FAM83G: variants seen among roughly 807,000 people sequenced by gnomAD.
The protein encoded by FAM83G is scaffolding CK1 anchoring protein G.
In FAM83G, 38 loss-of-function variants were observed where a neutral mutation model predicts 61.5. The observed-to-expected ratio is 0.62, with a 90% confidence interval of 0.48 to 0.81. The LOEUF is 0.81. Among genes scored for constraint, FAM83G ranks in the 30% least tolerant of loss-of-function variants. The pLI, the probability that FAM83G is intolerant of heterozygous loss-of-function variation, is 0.00. For missense variants in FAM83G, 989 were observed against 1,133.6 expected, an observed-to-expected ratio of 0.87 and a Z score of 1.83; for synonymous variants, 470 against 476.1, an observed-to-expected ratio of 0.99 and a Z score of 0.17.
At chr17:18,986,615 A>C (rs1597866113) in intron 3 of FAM83G, among the ~76,000 whole-genome samples, 1 of 152,346 alleles carries the variant, frequency 6.6e-6, no homozygotes, top group African/African-American at 2.4e-5. Flanking sequence ...GAACTCTGCA[A>C]GCAGCGGAGC....
Position 18,979,543 on chromosome 17 carries a change from A to G in FAM83G, c.815+6T>C. The G allele has an allele frequency of 6.2e-7, 1 of 1,612,724 alleles. No homozygotes were observed. Among genetic ancestry groups the G allele is most frequent in the South Asian group, 1.1e-5 (1 of 91,034 alleles). ...CGCACAACTTCCCTGAAAGCTGGAG[A>G]GTCACCTGTAGGAGCCGCACACAGC... On this transcript the variant is annotated splice_donor_region_variant and intron_variant, in intron 4 of 5. Coordinates refer to ENST00000388995, the MANE Select transcript of FAM83G (RefSeq NM_001039999.3).
chr17:18,981,711 T>C (rs2152013945), intron 3 of FAM83G, among the ~76,000 whole-genome samples: 1 of 152,250 alleles, frequency 6.6e-6, no homozygotes, highest in South Asian at 2.1e-4. Context: ...CCATAGCCTT[T>C]TCATAGGGCC....
intron 3 of FAM83G, among the ~76,000 whole-genome samples, chr17:18,982,968 C>A (rs77283946): frequency 0.084 from 12,845 of 152,288 alleles, 1,150 homozygotes; most frequent in African/African-American, 0.23. Flanking sequence ...ACAGGTGGGG[C>A]CCTCCCAGGG....
intron 3 of FAM83G, among the ~76,000 whole-genome samples, chr17:18,981,073 C>A (rs2043119643): frequency 6.6e-6 from 1 of 152,214 alleles, no homozygotes; most frequent in South Asian, 2.1e-4. Context: ...TCAACCCCTG[C>A]CGAGGCCTCC....
At chr17:18,991,287 G>A (rs2152132312) in intron 2 of FAM83G, among the ~76,000 whole-genome samples, 1 of 152,242 alleles carries the variant, frequency 6.6e-6, no homozygotes, top group East Asian at 1.9e-4. Flanking sequence ...CTTGGTCTGG[G>A]AATGACTGCA....
chr17:19,003,781 AGAGG>A lies in FAM83G; in HGVS notation c.257_260del (p.Pro86LeufsTer58). On this transcript the variant is annotated frameshift_variant, in exon 2 of 6. Coordinates refer to ENST00000388995, the MANE Select transcript of FAM83G (RefSeq NM_001039999.3). LOFTEE classifies it high-confidence loss of function. The surrounding 1 kb of genome is among the most constrained non-coding windows in gnomAD (Gnocchi z 4.5). Reference sequence around the variant, plus strand: ...CGACCCCATTGTCCTCGGGCCCCTGAGAGGGGCCCGTGCCCCGAGGGTCCTCAGA... The same window carrying A: ...CGACCCCATTGTCCTCGGGCCCCTGAGGCCCGTGCCCCGAGGGTCCTCAGA... The A allele has an allele frequency of 6.2e-7, 1 of 1,610,978 alleles. No homozygotes were observed. Among genetic ancestry groups the A allele is most frequent in the Non-Finnish European group, 8.5e-7 (1 of 1,179,172 alleles).
At position 18,978,483 on chromosome 17, in the gene FAM83G, T is replaced by C; in HGVS notation, c.1183A>G (p.Ile395Val). 3.1e-6 allele frequency: 5 copies of C among 1,612,364 alleles called. No homozygotes were observed. The highest frequency in any genetic ancestry group is 2.5e-6 in the Non-Finnish European group (3 of 1,179,498). ...TCCAGGTGAAGCAGTCCTGGGTGGA[T>C]GGGTGGCAGCAGCTCGGGGAGTTCC... The part of the protein sequence containing the change: ...PGELPELLPP[I>V]HPGLLHLERA... Residue 395 changes from isoleucine to valine, a missense_variant, in exon 5 of 6, where the codon ATC becomes GTC. Around this residue, in one of 3 missense-constraint regions of FAM83G, gnomAD observed 574 missense variants for 645.1 expected, o/e 0.89. Transcript: ENST00000388995.
At position 18,996,500 on chromosome 17, in the gene FAM83G, G is replaced by A. The variant is rs1194177795; in HGVS notation, c.522+7020C>T. Among the ~76,000 whole-genome samples, 1 of 152,140 alleles carries A rather than the reference G, an allele frequency of 6.6e-6. No homozygotes were observed. Among genetic ancestry groups the A allele is most frequent in the Non-Finnish European group, 1.5e-5 (1 of 68,018 alleles). ...CCACCTCCTGGCAATCTCCAAACCAGTTTGCCCATATAATGTCTCTGAAAG... is the reference window on the plus strand; with the variant it reads ...CCACCTCCTGGCAATCTCCAAACCAATTTGCCCATATAATGTCTCTGAAAG... On this transcript the variant is annotated intron_variant, in intron 2 of 5. Transcript: ENST00000388995. The surrounding 1 kb of genome is among the most constrained non-coding windows in gnomAD (Gnocchi z 4.4).
rs115528603 is a variant in FAM83G at position 18,999,609 on chromosome 17, G to A, written c.522+3911C>T. ...AAAGTGCCCGCTCAGCACCTGGCGC[G>A]GGGCTGGCATTTAGTAAGCACCTCA... is the stretch of plus-strand genomic sequence containing the variant. On this transcript the variant is annotated intron_variant, in intron 2 of 5. Transcript: ENST00000388995. 2.0e-3 allele frequency among the ~76,000 whole-genome samples: 304 copies of A among 152,334 alleles called. 1 individual carries two copies. The highest frequency in any genetic ancestry group is 6.9e-3 in the African/African-American group (285 of 41,574).
intron 3 of FAM83G, among the ~76,000 whole-genome samples, chr17:18,980,415 A>G (rs961669752): frequency 6.6e-6 from 1 of 152,108 alleles, no homozygotes; most frequent in Non-Finnish European, 1.5e-5. Context: ...GCTGAGACCC[A>G]AGGAGAAGAG....
chr17:19,004,138 C>A lies in FAM83G; in HGVS notation c.-97G>T. Reference sequence around the variant, plus strand: ...GGGCACCGCGCGCTCGGGGGCCTCTCCGCGGCCTCTGCTTCTCTGCCCATG... The same window carrying A: ...GGGCACCGCGCGCTCGGGGGCCTCTACGCGGCCTCTGCTTCTCTGCCCATG... On this transcript the variant is annotated 5_prime_UTR_variant, in exon 2 of 6. It introduces an in-frame stop codon into an upstream open reading frame of the 5' UTR. Coordinates refer to ENST00000388995, the MANE Select transcript of FAM83G (RefSeq NM_001039999.3). This position sits in a 1 kb window ranked among gnomAD's most constrained non-coding sequence, Gnocchi z 5.4. 1.6e-6 allele frequency: 2 copies of A among 1,222,052 alleles called. No individual in the cohort carries two copies. Among genetic ancestry groups the A allele is most frequent in the Non-Finnish European group, 2.3e-6 (2 of 880,360 alleles). 75.7% of individuals were successfully genotyped at this position (1,222,052 alleles called of 1,614,324 possible).
chr17:19,006,077 C>G (rs2043881839), upstream of FAM83G, among the ~76,000 whole-genome samples: 1 of 152,200 alleles, frequency 6.6e-6, no homozygotes, highest in East Asian at 1.9e-4. Flanking sequence ...ACTCCCACCT[C>G]CACCACCCCA....
At chr17:18,997,563 G>A (rs1355412904) in intron 2 of FAM83G, among the ~76,000 whole-genome samples, 1 of 152,254 alleles carries the variant, frequency 6.6e-6, no homozygotes, top group Non-Finnish European at 1.5e-5. Flanking sequence ...GGGTCCAAGA[G>A]CGACAGACAT....
In FAM83G at chr17:18,970,035, G is replaced by C. The variant is rs915950365; in HGVS notation, c.*1324C>G. The C allele has an allele frequency of 6.6e-6, 1 of 152,316 alleles. No individual in the cohort carries two copies. The highest frequency in any genetic ancestry group is 1.5e-5 in the Non-Finnish European group (1 of 68,122). 9.4% of individuals were successfully genotyped at this position (152,316 alleles called of 1,614,324 possible). A position where few individuals can be genotyped will look rare whatever the true frequency, so the allele number is the denominator to read the frequency against. The stretch of plus-strand genomic sequence containing the variant: ...AAGACTCTTCCAGACTCAGACACTG[G>C]GACCCTGTGGCTGAGCAGTTTCTAA... On this transcript the variant is annotated 3_prime_UTR_variant, in exon 6 of 6. Coordinates refer to ENST00000388995, the MANE Select transcript of FAM83G (RefSeq NM_001039999.3).
In FAM83G at chr17:19,003,598, G is replaced by T. The variant is rs773807575; in HGVS notation, c.444C>A (p.Ser148Arg). Residue 148 changes from serine to arginine, a missense_variant, in exon 2 of 6, where the codon AGC (serine) becomes AGA (arginine). By Grantham distance (110) the Ser-to-Arg change is moderately radical (BLOSUM62 -1). Around this residue, in one of 3 missense-constraint regions of FAM83G, gnomAD observed 371 missense variants for 404.5 expected, o/e 0.92. Coordinates refer to ENST00000388995, the MANE Select transcript of FAM83G (RefSeq NM_001039999.3). This position sits in a 1 kb window ranked among gnomAD's most constrained non-coding sequence, Gnocchi z 4.5. ...TIAYRGVTRA[S>R]VYMQPPIDGQ... The stretch of plus-strand genomic sequence containing the variant: ...CGTCTATGGGGGGCTGCATGTAGAC[G>T]CTAGCCCGGGTCACGCCGCGGTAGG... The T allele has an allele frequency of 9.9e-6, 16 of 1,610,074 alleles. No homozygotes were observed. Among genetic ancestry groups the T allele is most frequent in the Non-Finnish European group, 1.3e-5 (15 of 1,178,354 alleles).
intron 3 of FAM83G, among the ~76,000 whole-genome samples, chr17:18,982,699 A>G (rs1195797906): frequency 6.6e-6 from 1 of 152,182 alleles, no homozygotes; most frequent in African/African-American, 2.4e-5. Context: ...CCAGGCCTCC[A>G]GGCCACATGT....
chr17:18,980,696 A>G (rs1055795061), intron 3 of FAM83G, among the ~76,000 whole-genome samples: 3 of 152,082 alleles, frequency 2.0e-5, no homozygotes, highest in Non-Finnish European at 4.4e-5. Context: ...CCTGGCTGGA[A>G]CCCAAGTGTC....
At chr17:18,992,235 T>A (rs1205767728) in intron 2 of FAM83G, among the ~76,000 whole-genome samples, 4 of 152,150 alleles carry the variant, frequency 2.6e-5, no homozygotes, top group Non-Finnish European at 4.4e-5. Context: ...TCTGCCTGTG[T>A]CTCGAATCCC....
chr17:18,969,192 G>T lies in FAM83G; in HGVS notation c.*2167C>A. 6.2e-7 allele frequency: 1 copy of T among 1,607,606 alleles called. No homozygotes were observed. ...CTGCAGCAGGGAGGTCCACCCAGGGGACGTGTAAAGGGGTCAGAAGGCCAC... is the reference window on the plus strand; with the variant it reads ...CTGCAGCAGGGAGGTCCACCCAGGGTACGTGTAAAGGGGTCAGAAGGCCAC... On this transcript the variant is annotated 3_prime_UTR_variant, in exon 6 of 6. Transcript: ENST00000388995.
Sources: allele counts gnomAD v4.1 joint callset (sites outside exome capture counted in the v4.1 genomes callset), GRCh38; gene constraint gnomAD v4.1.1; regional missense constraint gnomAD v4.1.1; non-coding constraint Gnocchi (gnomAD v3.1); transcripts MANE v1.5; gene names NCBI Gene and HGNC (gene_info 2026-07-23, HGNC 2026-07-21).